SYNPO2: variants seen among roughly 807,000 people sequenced by gnomAD.
The protein encoded by SYNPO2 is synaptopodin-2.
SYNPO2 carries 56 observed loss-of-function variants against 85.0 expected under a neutral mutation model. The observed-to-expected ratio is 0.66, with a 90% confidence interval of 0.53 to 0.82. SYNPO2 has a LOEUF of 0.82. SYNPO2 is among the 40% of genes least tolerant of loss of function. The pLI, the probability that SYNPO2 is intolerant of heterozygous loss-of-function variation, is 0.00. For missense variants in SYNPO2, 1,575 were observed against 1,534.2 expected (o/e 1.03, Z -0.44); for synonymous variants, 602 against 591.1 (o/e 1.02, Z -0.27).
intron 1 of SYNPO2, among the ~76,000 whole-genome samples, chr4:118,947,810 T>C (rs1428494996): frequency 2.0e-5 from 3 of 152,230 alleles, no homozygotes; most frequent in Non-Finnish European, 4.4e-5. Context: ...TGTATGTACA[T>C]ATAAGTAATA....
At chr4:118,883,463 T>C (rs1257455054) in intron 1 of SYNPO2, among the ~76,000 whole-genome samples, 1 of 152,344 alleles carries the variant, frequency 6.6e-6, no homozygotes, top group East Asian at 1.9e-4. Flanking sequence ...TGTTTCATAA[T>C]GTGCTCTCTC....
intron 1 of SYNPO2, among the ~76,000 whole-genome samples, chr4:118,962,613 G>A (rs1051316555): frequency 1.3e-5 from 2 of 152,024 alleles, no homozygotes; most frequent in East Asian, 3.9e-4. Context: ...ATTTTTAATA[G>A]CTCCAAAGTG....
At chr4:118,879,518 G>C (rs1394418627) in intron 1 of SYNPO2, among the ~76,000 whole-genome samples, 1 of 152,188 alleles carries the variant, frequency 6.6e-6, no homozygotes, top group East Asian at 1.9e-4. Flanking sequence ...GACACAATGA[G>C]AAGACAGTCA....
intron 1 of SYNPO2, among the ~76,000 whole-genome samples, chr4:118,924,221 C>A (rs2149129796): frequency 6.6e-6 from 1 of 152,254 alleles, no homozygotes; most frequent in Middle Eastern, 3.4e-3. Flanking sequence ...ACAGGTATAT[C>A]CTTATTCCAG....
chr4:118,941,493 T>C lies in SYNPO2; in HGVS notation c.105+52352T>C, dbSNP rs374241668. 3.9e-5 allele frequency among the ~76,000 whole-genome samples: 6 copies of C among 152,326 alleles called. No homozygotes were observed. The South Asian group carries it at 6.2e-4, about 16-fold the overall frequency. On this transcript the variant is annotated intron_variant, in intron 1 of 4. Transcript: ENST00000307142. ...CCAATTGCCTTCAAGATAAACACCC[T>C]AAATGAATCTGCCCTCCCAGTCTCC... is the stretch of plus-strand genomic sequence containing the variant.
intron 1 of SYNPO2, among the ~76,000 whole-genome samples, chr4:118,940,486 C>A (rs1288934884): frequency 1.1e-5 from 1 of 88,224 alleles, no homozygotes; most frequent in Non-Finnish European, 2.7e-5. Context: ...TGAAAGCATG[C>A]AAGCTTTCAT....
Position 118,961,163 on chromosome 4 carries a change from A to G in SYNPO2, c.106-62267A>G, listed in dbSNP as rs1560913661. ...TCTGAAGACAATTTTGCTTGTCACT[A>G]CTAGGGAGAACCTACTGGCCTCTAG... On this transcript the variant is annotated intron_variant, in intron 1 of 4. Transcript: ENST00000307142. Among the ~76,000 whole-genome samples, 4 of 128,914 alleles carry G rather than the reference A, an allele frequency of 3.1e-5. 1 individual carries two copies. In the South Asian group the frequency reaches 9.4e-4, roughly 30 times the overall value. 84.6% of individuals were successfully genotyped at this position (128,914 alleles called of 152,430 possible).
At chr4:118,946,970 T>G (rs1292800952) in intron 1 of SYNPO2, among the ~76,000 whole-genome samples, 2 of 152,240 alleles carry the variant, frequency 1.3e-5, no homozygotes, top group East Asian at 3.8e-4. Context: ...ATTAGTTGTG[T>G]TGCTTTCAGG....
In SYNPO2 at chr4:119,023,568, A is replaced by G. The variant is rs775134399; in HGVS notation, c.244A>G (p.Met82Val). The G allele has an allele frequency of 5.6e-6, 9 of 1,612,588 alleles. No homozygotes were observed. Among genetic ancestry groups the G allele is most frequent in the African/African-American group, 2.7e-5 (2 of 74,880 alleles). The change falls in exon 2 of 5, where the codon ATG (methionine) becomes GTG (valine). Residue 82 changes from methionine (M) to valine (V), a missense_variant. Coordinates refer to ENST00000307142, the MANE Select transcript of SYNPO2 (RefSeq NM_133477.3). ...LMESITDSLQ[M>V]LIKRPSSGIS... ...GGAAAGCATAACAGACTCTCTCCAA[A>G]TGCTCATCAAAAGGTACAACAGATT...
Position 119,030,936 on chromosome 4 carries a change from C to G in SYNPO2, c.2161C>G (p.Arg721Gly). ...LSLLQNSEGK[R>G]GTGAGGDSGP... ...ACTCCTTCAAAATTCAGAAGGCAAA[C>G]GGGGCACTGGAGCTGGAGGTGATTC... Residue 721 changes from arginine to glycine, a missense_variant, in exon 4 of 5, where the codon CGG (arginine) becomes GGG (glycine). Transcript: ENST00000307142. 1 of 1,614,154 alleles carries G rather than the reference C, an allele frequency of 6.2e-7. No homozygotes were observed. The highest frequency in any genetic ancestry group is 1.3e-5 in the African/African-American group (1 of 75,038).
intron 1 of SYNPO2, among the ~76,000 whole-genome samples, chr4:118,946,850 A>C (rs1350538943): frequency 6.6e-6 from 1 of 152,224 alleles, no homozygotes. Flanking sequence ...TTAAGAGTGA[A>C]ATTAATAAAG....
intron 1 of SYNPO2, among the ~76,000 whole-genome samples, chr4:118,947,324 C>T (rs1373987456): frequency 6.6e-6 from 1 of 152,208 alleles, no homozygotes; most frequent in African/African-American, 2.4e-5. Context: ...TAATGTGGCA[C>T]AGCCTTTCCC....
At chr4:118,937,611 A>C (rs1578566613) in intron 1 of SYNPO2, among the ~76,000 whole-genome samples, 1 of 152,138 alleles carries the variant, frequency 6.6e-6, no homozygotes, top group Non-Finnish European at 1.5e-5. Flanking sequence ...CTGGGTTTGA[A>C]TCCTTGTGCT....
intron 1 of SYNPO2, among the ~76,000 whole-genome samples, chr4:118,923,148 G>A (rs1288117573): frequency 1.3e-5 from 2 of 151,990 alleles, no homozygotes; most frequent in African/African-American, 2.4e-5. Context: ...CAACCTAAAT[G>A]CCCATCAACA....
intron 1 of SYNPO2, among the ~76,000 whole-genome samples, chr4:118,889,448 C>G (rs1560827291): frequency 6.6e-6 from 1 of 152,138 alleles, no homozygotes; most frequent in Non-Finnish European, 1.5e-5. Flanking sequence ...AGCGTTTCTT[C>G]CAGGCAATTT....
At chr4:118,948,817 G>A (rs898641860) in intron 1 of SYNPO2, among the ~76,000 whole-genome samples, 1 of 152,152 alleles carries the variant, frequency 6.6e-6, no homozygotes, top group Non-Finnish European at 1.5e-5. Flanking sequence ...CCCACCTCCA[G>A]TTGGGGATTA....
intron 1 of SYNPO2, among the ~76,000 whole-genome samples, chr4:118,862,588 T>C (rs1448893380): frequency 6.6e-6 from 1 of 152,214 alleles, no homozygotes; most frequent in African/African-American, 2.4e-5. Flanking sequence ...AATGATCATA[T>C]TATTTTTATC....
chr4:118,916,759 G>T (rs1321987645), intron 1 of SYNPO2, among the ~76,000 whole-genome samples: 1 of 131,784 alleles, frequency 7.6e-6, no homozygotes. Flanking sequence ...TAGAAACAGG[G>T]TCTTACTCTG....
chr4:118,945,610 A>G (rs1734471120), intron 1 of SYNPO2, among the ~76,000 whole-genome samples: 1 of 152,208 alleles, frequency 6.6e-6, no homozygotes, highest in African/African-American at 2.4e-5. Flanking sequence ...TTATTTTCCA[A>G]AGTTTCATAA....
Sources: allele counts gnomAD v4.1 joint callset (sites outside exome capture counted in the v4.1 genomes callset), GRCh38; gene constraint gnomAD v4.1.1; transcripts MANE v1.5; gene names NCBI Gene and HGNC (gene_info 2026-07-23, HGNC 2026-07-21).